Variants in NPLOC4 observed in about 807,000 individuals in gnomAD.
The protein encoded by NPLOC4 is nuclear protein localization protein 4 homolog.
NPLOC4 carries 18 observed loss-of-function variants against 80.6 expected under a neutral mutation model. The ratio of observed to expected loss-of-function variants is 0.22; its 90% CI spans 0.15 to 0.33. NPLOC4 has a LOEUF of 0.33. Among genes scored for constraint, NPLOC4 ranks in the 10% least tolerant of loss-of-function variants. NPLOC4 has a pLI of 1.00. For missense variants in NPLOC4, 540 were observed against 786.1 expected (o/e 0.69, Z 3.74); for synonymous variants, 313 against 301.5 (o/e 1.04, Z -0.39).
intron 16 of NPLOC4, 86 bp downstream of exon 16, chr17:81,565,419 C>A: frequency 8.6e-7 from 1 of 1,163,574 alleles, no homozygotes; most frequent in Non-Finnish European, 1.2e-6. Context: ...GAATCCAGGG[C>A]ACCACCGGCA....
chr17:81,636,873 C>T (rs775729779), intron 1 of NPLOC4, 43 bp downstream of exon 1: 2 of 1,401,276 alleles, frequency 1.4e-6, no homozygotes, highest in Non-Finnish European at 1.9e-6. Context: ...AAATCTGCTG[C>T]CTCATCCCGG....
intron 1 of NPLOC4, among the ~76,000 whole-genome samples, chr17:81,633,283 A>G (rs1292398498): frequency 6.6e-6 from 1 of 152,212 alleles, no homozygotes; most frequent in Non-Finnish European, 1.5e-5. Context: ...GTCTGCCAAC[A>G]CTTAGCTATC....
chr17:81,611,868 G>A (rs555967545), intron 4 of NPLOC4, among the ~76,000 whole-genome samples: 2 of 151,348 alleles, frequency 1.3e-5, no homozygotes, highest in South Asian at 2.1e-4. Context: ...GCTGAGGCAG[G>A]AGAATGGCGT....
At position 81,564,083 on chromosome 17, in the gene NPLOC4, A is replaced by AACACACACACACACACAC. The variant is rs58774657; in HGVS notation, c.1669+1404_1669+1421dup. On this transcript the variant is annotated intron_variant, in intron 16 of 16. Coordinates refer to ENST00000331134, the MANE Select transcript of NPLOC4 (RefSeq NM_017921.4). ...GAGACAGGGTGAGGCTCCAGCTCAA[A>AACACACACACACACACAC]ACACACACACACACACACACACACA... is the stretch of plus-strand genomic sequence containing the variant. The AACACACACACACACACAC allele has an allele frequency of 1.0e-3, 276 of 274,894 alleles. 1 individual carries two copies. The highest frequency in any genetic ancestry group is 3.5e-3 in the Admixed American group (68 of 19,650). 17.0% of individuals were successfully genotyped at this position (274,894 alleles called of 1,614,324 possible).
Position 81,577,205 on chromosome 17 carries a change from A to G in NPLOC4, c.1282-5117T>C, listed in dbSNP as rs1458983423. Among the ~76,000 whole-genome samples the G allele has an allele frequency of 6.6e-6, 1 of 151,712 alleles. No individual in the cohort carries two copies. Among genetic ancestry groups the G allele is most frequent in the Non-Finnish European group, 1.5e-5 (1 of 67,916 alleles). Reference sequence around the variant, plus strand: ...TCCCTTGCTGCTCCTATGTCCCCTCAGCTCCCCACGGCGCTCTGACCCGCC... The same window carrying G: ...TCCCTTGCTGCTCCTATGTCCCCTCGGCTCCCCACGGCGCTCTGACCCGCC... On this transcript the variant is annotated intron_variant, in intron 12 of 16. Transcript: ENST00000331134. This position sits in a 1 kb window ranked among gnomAD's most constrained non-coding sequence, Gnocchi z 4.3.
At position 81,606,715 on chromosome 17, in the gene NPLOC4, C is replaced by T. The variant is rs763082172; in HGVS notation, c.630G>A (p.Pro210=). 112 of 1,613,430 alleles carry T rather than the reference C, an allele frequency of 6.9e-5. 1 individual carries two copies. The highest frequency in any genetic ancestry group is 2.0e-4 in the South Asian group (18 of 91,024). Residue 210 remains proline (P), a synonymous_variant, in exon 7 of 17, where the codon CCG becomes CCA. Coordinates refer to ENST00000331134, the MANE Select transcript of NPLOC4 (RefSeq NM_017921.4). ...WPNGICTKCQ[P]SAITLNRQKY... Reference sequence around the variant, plus strand: ...CCTGTCTGTTCAGCGTGATGGCGCTCGGCTGGCACTTAGTACAGATGCCAT... The same window carrying T: ...CCTGTCTGTTCAGCGTGATGGCGCTTGGCTGGCACTTAGTACAGATGCCAT...
At chr17:81,624,908 G>A (rs1034249174) in intron 2 of NPLOC4, among the ~76,000 whole-genome samples, 1 of 152,248 alleles carries the variant, frequency 6.6e-6, no homozygotes, top group Admixed American at 6.5e-5. Flanking sequence ...AAGATGGAAA[G>A]AGATGAGGCT....
intron 3 of NPLOC4, among the ~76,000 whole-genome samples, chr17:81,617,802 G>A (rs1449640913): frequency 6.6e-6 from 1 of 152,136 alleles, no homozygotes; most frequent in African/African-American, 2.4e-5. Flanking sequence ...GCGATTGCAG[G>A]CGCGCGCCGC....
rs373766819 is a variant in NPLOC4, at chr17:81,571,744, A to G, written c.1353+273T>C. The stretch of plus-strand genomic sequence containing the variant: ...TGGGGTCAGTGGTCCTTTGTACTTT[A>G]GTATGGGGACAGTTAACCCCTAGGT... On this transcript the variant is annotated intron_variant, in intron 13 of 16. Transcript: ENST00000331134. Among the ~76,000 whole-genome samples the G allele has an allele frequency of 2.2e-3, 336 of 152,336 alleles. 4 individuals carry two copies. Among genetic ancestry groups the G allele is most frequent in the African/African-American group, 7.9e-3 (329 of 41,572 alleles).
chr17:81,583,060 T>A (rs2034487856), intron 12 of NPLOC4, among the ~76,000 whole-genome samples: 1 of 152,282 alleles, frequency 6.6e-6, no homozygotes, highest in Non-Finnish European at 1.5e-5. Flanking sequence ...AGAGTGTGTG[T>A]GACACACCCA....
chr17:81,606,248 G>A (rs559504048), intron 7 of NPLOC4, among the ~76,000 whole-genome samples: 3 of 152,212 alleles, frequency 2.0e-5, no homozygotes, highest in East Asian at 3.9e-4. Flanking sequence ...GGAGGAAGGC[G>A]AGGCAGGCTA....
chr17:81,622,149 C>G lies in NPLOC4; in HGVS notation c.209+17G>C, dbSNP rs200549665. 2 of 1,583,490 alleles carry G rather than the reference C, an allele frequency of 1.3e-6. No homozygotes were observed. The highest frequency in any genetic ancestry group is 1.1e-5 in the South Asian group (1 of 90,350). The stretch of plus-strand genomic sequence containing the variant: ...CATTTCCCCCCATTCCCTGCTTCCT[C>G]CTCAGAGGACACTTACTTGATTTTT... On this transcript the variant is annotated intron_variant, in intron 3 of 16. Transcript: ENST00000331134.
chr17:81,627,070 A>T (rs967539128), intron 2 of NPLOC4, among the ~76,000 whole-genome samples: 1 of 151,220 alleles, frequency 6.6e-6, no homozygotes, highest in African/African-American at 2.4e-5. Flanking sequence ...AGCTTGGGCG[A>T]CACAATGAGA....
intron 13 of NPLOC4, among the ~76,000 whole-genome samples, chr17:81,571,089 G>A (rs984508583): frequency 1.3e-5 from 2 of 152,004 alleles, no homozygotes; most frequent in African/African-American, 2.4e-5. Flanking sequence ...ATGCCTTCAC[G>A]GCCTAGGTAA....
intron 12 of NPLOC4, among the ~76,000 whole-genome samples, chr17:81,585,790 C>T (rs368551905): frequency 1.2e-4 from 18 of 151,788 alleles, no homozygotes; most frequent in African/African-American, 3.9e-4. Flanking sequence ...AGTTCAAGAC[C>T]AGCCTGGGCA....
intron 8 of NPLOC4, among the ~76,000 whole-genome samples, chr17:81,601,072 T>G (rs565411260): frequency 3.5e-4 from 53 of 152,322 alleles, no homozygotes; most frequent in Non-Finnish European, 5.4e-4. Context: ...CCCATGCAAC[T>G]GAAACCAACC....
At chr17:81,636,838 G>C in intron 1 of NPLOC4, 78 bp downstream of exon 1, 1 of 1,302,960 alleles carries the variant, frequency 7.7e-7, no homozygotes. Context: ...CGGCAGGCCC[G>C]CCTCCCCCAC....
chr17:81,600,314 C>T (rs1442997476), intron 9 of NPLOC4, 27 bp downstream of exon 9: 6 of 1,573,574 alleles, frequency 3.8e-6, no homozygotes, highest in Non-Finnish European at 5.2e-6. Context: ...GCCACGCCCC[C>T]TGCTTGGCTG....
Position 81,604,688 on chromosome 17 carries a change from T to C in NPLOC4, c.694A>G (p.Thr232Ala). The change falls in exon 8 of 17, where the codon ACC becomes GCC. Residue 232 changes from threonine to alanine, a missense_variant. By Grantham distance (58) the Thr-to-Ala change is moderately conservative. This residue lies in a region of NPLOC4 where 61 missense variants were observed against 156.7 expected (regional missense o/e 0.39). Coordinates refer to ENST00000331134, the MANE Select transcript of NPLOC4 (RefSeq NM_017921.4). ...HVDNIMFENH[T>A]VADRFLDFWR... ...AAGTCAAGAAAGCGGTCAGCGACGG[T>C]GTGATTCTCAAACATGATATTGTCC... 1 of 1,613,778 alleles carries C rather than the reference T, an allele frequency of 6.2e-7. No homozygotes were observed.
Sources: allele counts gnomAD v4.1 joint callset (sites outside exome capture counted in the v4.1 genomes callset), GRCh38; gene constraint gnomAD v4.1.1; regional missense constraint gnomAD v4.1.1; non-coding constraint Gnocchi (gnomAD v3.1); transcripts MANE v1.5; gene names NCBI Gene and HGNC (gene_info 2026-07-23, HGNC 2026-07-21).